PTGR1: variants seen among roughly 807,000 people sequenced by gnomAD.
The protein encoded by PTGR1 is prostaglandin reductase 1.
A neutral mutation model predicts 37.7 loss-of-function variants in PTGR1; 23 were observed. The observed-to-expected ratio is 0.61, with a 90% confidence interval of 0.44 to 0.86. The LOEUF is 0.86. Among genes scored for constraint, PTGR1 ranks in the 40% least tolerant of loss-of-function variants. The probability of loss-of-function intolerance (pLI) is 0.00; values close to 1 mark genes in which losing one functional copy is unlikely to be tolerated. For synonymous variants in PTGR1, 134 were observed against 140.0 expected, an observed-to-expected ratio of 0.96 and a Z score of 0.30; for missense variants, 351 against 394.3, an observed-to-expected ratio of 0.89 and a Z score of 0.93.
rs58142522 is a variant in PTGR1, at chr9:111,592,986, C to CAA, written c.153-6_153-5dup. The CAA allele has an allele frequency of 1.7e-3, 1,680 of 960,342 alleles. 1 individual carries two copies. Among genetic ancestry groups the CAA allele is most frequent in the African/African-American group, 3.5e-3 (104 of 29,958 alleles). 59.5% of individuals were successfully genotyped at this position (960,342 alleles called of 1,614,324 possible). A position where few individuals can be genotyped will look rare whatever the true frequency, so the allele number is the denominator to read the frequency against. On this transcript the variant is annotated splice_polypyrimidine_tract_variant and splice_region_variant and intron_variant, in intron 3 of 9. Transcript: ENST00000407693. ...CTTCAATCTTTTGGCTGCCACTCTGCAAAAAAAAAAAAAAAAAAAAAAAAA... is the reference window on the plus strand; with the variant it reads ...CTTCAATCTTTTGGCTGCCACTCTGCAAAAAAAAAAAAAAAAAAAAAAAAAAA...
chr9:111,552,286 C>CT (rs150587835), intron 9 of PTGR1, among the ~76,000 whole-genome samples: 9,145 of 151,108 alleles, frequency 0.061, 492 homozygotes, highest in East Asian at 0.26. Flanking sequence ...GATACATTGT[C>CT]TTTTTTTTTC....
chr9:111,594,267 T>C lies in PTGR1; in HGVS notation c.107A>G (p.Glu36Gly). 1 of 1,613,180 alleles carries C rather than the reference T, an allele frequency of 6.2e-7. No homozygotes were observed. Among genetic ancestry groups the C allele is most frequent in the Non-Finnish European group, 8.5e-7 (1 of 1,179,302 alleles). ...GAGGAACAAAGCTTCAAGCAGGACC[T>C]CTACAAAATAAAGCATTCCATAGGC... ...TAELPPLKNG[E>G]VLLEALFLTV... The change falls in exon 3 of 10, where the codon GAG becomes GGG. Residue 36 changes from glutamate to glycine, a missense_variant and splice_region_variant. By Grantham distance (98) the Glu-to-Gly change is moderately conservative (BLOSUM62 -2). Transcript: ENST00000407693.
intron 6 of PTGR1, 88 bp from the exon 7 acceptor site, chr9:111,579,039 C>A: frequency 4.7e-6 from 6 of 1,267,642 alleles, no homozygotes; most frequent in Non-Finnish European, 6.4e-6. Context: ...TGCCTAGGTT[C>A]CCTAGGAACA....
At chr9:111,590,398 G>A (rs1829574769) in intron 4 of PTGR1, among the ~76,000 whole-genome samples, 1 of 151,928 alleles carries the variant, frequency 6.6e-6, no homozygotes, top group South Asian at 2.1e-4. Flanking sequence ...TCACTCTGTT[G>A]CCCAGGCTGG....
chr9:111,562,720 T>G lies in PTGR1; in HGVS notation c.*401A>C. The G allele has an allele frequency of 5.9e-6, 1 of 168,242 alleles. No homozygotes were observed. The highest frequency in any genetic ancestry group is 1.3e-5 in the Non-Finnish European group (1 of 78,168). The allele number at this position is 168,242 out of a possible 1,614,324, so 10.4% of individuals were successfully genotyped here. On this transcript the variant is annotated 3_prime_UTR_variant, in exon 10 of 10. Coordinates refer to ENST00000407693, the MANE Select transcript of PTGR1 (RefSeq NM_001146108.2). ...ACCTAGGTATTAGCCCCCGAAGGCA[T>G]TAGCTATTTATCCTGATGCTCTCCC...
intron 2 of PTGR1, among the ~76,000 whole-genome samples, chr9:111,597,113 G>A (rs907771429): frequency 5.3e-5 from 8 of 152,016 alleles, no homozygotes; most frequent in African/African-American, 1.9e-4. Context: ...TGTGAGCAAG[G>A]CCCATCCTAA....
At chr9:111,596,943 A>G (rs1829800045) in intron 2 of PTGR1, among the ~76,000 whole-genome samples, 1 of 151,326 alleles carries the variant, frequency 6.6e-6, no homozygotes, top group Admixed American at 6.6e-5. Flanking sequence ...AAAAAAAAAA[A>G]AAAAAGAGAA....
At chr9:111,579,223 C>A (rs1013397509) in intron 6 of PTGR1, among the ~76,000 whole-genome samples, 8 of 151,814 alleles carry the variant, frequency 5.3e-5, no homozygotes, top group Non-Finnish European at 1.0e-4. Flanking sequence ...GTTTCACAAC[C>A]GATCCATTTG....
intron 1 of PTGR1, among the ~76,000 whole-genome samples, chr9:111,599,118 AG>A (rs1450612986): frequency 2.6e-5 from 4 of 152,246 alleles, no homozygotes; most frequent in African/African-American, 9.6e-5. Context: ...CTGGCCGCAG[AG>A]GGGCCAGGTC....
At chr9:111,553,538 C>T (rs904399032) in intron 9 of PTGR1, among the ~76,000 whole-genome samples, 11 of 151,822 alleles carry the variant, frequency 7.2e-5, no homozygotes, top group African/African-American at 2.4e-4. Context: ...ATTTTACATC[C>T]GTGCATAGAA....
At chr9:111,574,997 G>A (rs539015427) in intron 7 of PTGR1, among the ~76,000 whole-genome samples, 155 bp from the exon 8 acceptor site, 1 of 152,322 alleles carries the variant, frequency 6.6e-6, no homozygotes, top group South Asian at 2.1e-4. Flanking sequence ...GTTAGAAAAA[G>A]ACATTAGAAA....
At chr9:111,598,008 T>TA (rs969040160) in intron 1 of PTGR1, among the ~76,000 whole-genome samples, 6 of 145,046 alleles carry the variant, frequency 4.1e-5, no homozygotes, top group African/African-American at 1.5e-4. Context: ...TTTTTTTTTT[T>TA]AAATACTTTT....
intron 9 of PTGR1, among the ~76,000 whole-genome samples, chr9:111,553,602 G>A (rs562375445): frequency 2.0e-5 from 3 of 152,256 alleles, no homozygotes; most frequent in South Asian, 2.1e-4. Context: ...GATTGGTGAC[G>A]TGTTTATGTG....
In PTGR1 at chr9:111,574,817, A is replaced by C; in HGVS notation, c.677T>G (p.Val226Gly). ...DNVGGEFSNTVIGQMKKFGRI... is the reference protein window; with the variant it reads ...DNVGGEFSNTGIGQMKKFGRI... ...TCCAAATTTCTTCATCTGGCCGATA[A>C]CAGTGTTTGAAAACTCTCCACCTAC... The change falls in exon 8 of 10, where the codon GTT (valine) becomes GGT (glycine). Residue 226 changes from valine (V) to glycine (G), a missense_variant. Physicochemically the swap from Val to Gly is moderately radical, Grantham distance 109. Coordinates refer to ENST00000407693, the MANE Select transcript of PTGR1 (RefSeq NM_001146108.2). 1 of 1,613,780 alleles carries C rather than the reference A, an allele frequency of 6.2e-7. No individual in the cohort carries two copies. Among genetic ancestry groups the C allele is most frequent in the South Asian group, 1.1e-5 (1 of 91,028 alleles).
intron 9 of PTGR1, among the ~76,000 whole-genome samples, chr9:111,567,157 T>C (rs775660268): frequency 5.9e-5 from 9 of 151,774 alleles, no homozygotes; most frequent in Non-Finnish European, 1.2e-4. Flanking sequence ...CAACTTAAAA[T>C]AGGGCCATTT....
chr9:111,582,721 C>T (rs1829320095), intron 6 of PTGR1, among the ~76,000 whole-genome samples: 1 of 152,212 alleles, frequency 6.6e-6, no homozygotes, highest in Non-Finnish European at 1.5e-5. Context: ...GGTAGCCTCA[C>T]ATTTGTATTC....
chr9:111,567,663 T>C (rs1000032156), intron 9 of PTGR1, among the ~76,000 whole-genome samples: 7 of 152,198 alleles, frequency 4.6e-5, no homozygotes, highest in Non-Finnish European at 1.0e-4. Flanking sequence ...TGGTTTACTT[T>C]AAGTGAAATG....
intron 3 of PTGR1, 118 bp downstream of exon 3, chr9:111,594,104 G>A: frequency 1.9e-6 from 2 of 1,080,820 alleles, no homozygotes; most frequent in Non-Finnish European, 2.8e-6. Context: ...GATACTGGCT[G>A]GGAGAAACAG....
intron 5 of PTGR1, 133 bp from the exon 6 acceptor site, chr9:111,583,722 A>T: frequency 1.5e-6 from 1 of 682,276 alleles, no homozygotes; most frequent in Non-Finnish European, 2.5e-6. Context: ...ATGGAAATAA[A>T]TATTGCCAGC....
Sources: allele counts gnomAD v4.1 joint callset (sites outside exome capture counted in the v4.1 genomes callset), GRCh38; gene constraint gnomAD v4.1.1; transcripts MANE v1.5; gene names NCBI Gene and HGNC (gene_info 2026-07-23, HGNC 2026-07-21).